VSIG1: variants seen among roughly 807,000 people sequenced by gnomAD.
VSIG1 encodes the protein V-set and immunoglobulin domain-containing protein 1.
A neutral mutation model predicts 20.1 loss-of-function variants in VSIG1; 11 were observed. That is an observed-to-expected ratio of 0.55 (90% CI 0.34 to 0.91). The LOEUF is 0.91. Ranked by LOEUF, VSIG1 falls within the 40% of genes least tolerant of loss-of-function variation. VSIG1 has a pLI of 0.02. For synonymous variants in VSIG1, 126 were observed against 116.7 expected (o/e 1.08, Z -0.52); for missense variants, 283 against 298.8 (o/e 0.95, Z 0.39).
chrX:108,049,240 G>T (rs1245117754), intron 1 of VSIG1, among the ~76,000 whole-genome samples: 1 of 112,468 alleles, frequency 8.9e-6, no homozygotes, highest in African/African-American at 3.2e-5. Context: ...TTTCTAATTA[G>T]TTACACATTT....
chrX:108,070,475 A>C (rs916099853), intron 3 of VSIG1, among the ~76,000 whole-genome samples: 81 of 112,447 alleles, frequency 7.2e-4, no homozygotes, highest in African/African-American at 2.4e-3. Context: ...CTAAGCAAAA[A>C]AAATGCCTAT....
At chrX:108,052,580 C>T (rs1200230826) in intron 1 of VSIG1, among the ~76,000 whole-genome samples, 1 of 110,995 alleles carries the variant, frequency 9.0e-6, no homozygotes, top group Non-Finnish European at 1.9e-5. Context: ...CACACTACTG[C>T]ACTCCAACCT....
the VSIG1 span, among the ~76,000 whole-genome samples, chrX:108,036,648 A>G: frequency 5.4e-5 from 6 of 111,879 alleles, no homozygotes; most frequent in African/African-American, 2.0e-4. Flanking sequence ...TCTTCCCTCT[A>G]AAACAGGAAA....
chrX:108,071,162 C>T (rs2031231725), intron 3 of VSIG1, among the ~76,000 whole-genome samples: 1 of 111,318 alleles, frequency 9.0e-6, no homozygotes, highest in South Asian at 3.8e-4. Context: ...CAGAGCTGTG[C>T]CCTTAACCAC....
chrX:108,076,752 A>C (rs769895701), intron 6 of VSIG1, among the ~76,000 whole-genome samples: 41 of 112,012 alleles, frequency 3.7e-4, no homozygotes, highest in African/African-American at 1.3e-3. Context: ...GCGATACATC[A>C]GAGCTATGAA....
At chrX:108,021,451 A>G in the VSIG1 span, among the ~76,000 whole-genome samples, 1 of 112,134 alleles carries the variant, frequency 8.9e-6, no homozygotes, top group South Asian at 3.7e-4. Context: ...TATATTATGG[A>G]TACTAGACCA....
At chrX:108,048,770 T>C (rs982387994) in intron 1 of VSIG1, among the ~76,000 whole-genome samples, 7 of 112,406 alleles carry the variant, frequency 6.2e-5, no homozygotes, top group African/African-American at 1.3e-4. Flanking sequence ...ATGAAAATTA[T>C]AAAGTCAGTT....
At chrX:108,044,494 C>T (rs2030529565), upstream of VSIG1, among the ~76,000 whole-genome samples, 1 of 111,902 alleles carries the variant, frequency 8.9e-6, no homozygotes, top group Non-Finnish European at 1.9e-5. Flanking sequence ...ACCCGACAGA[C>T]AAAAGCATGT....
upstream of VSIG1, among the ~76,000 whole-genome samples, chrX:108,041,517 T>G (rs2030479824): frequency 9.2e-6 from 1 of 108,976 alleles, no homozygotes; most frequent in Non-Finnish European, 1.9e-5. Context: ...TAGAACAAAA[T>G]GTACAGTATT....
the VSIG1 span, among the ~76,000 whole-genome samples, chrX:108,027,519 G>A: frequency 8.9e-6 from 1 of 111,769 alleles, no homozygotes; most frequent in African/African-American, 3.2e-5. Context: ...ATGAGTGATT[G>A]CTTATGATTT....
upstream of VSIG1, chrX:108,044,844 G>C (rs1485935098): frequency 4.3e-6 from 1 of 234,459 alleles, no homozygotes; most frequent in Non-Finnish European, 7.6e-6. Flanking sequence ...ATGAGACTTA[G>C]AGAATCTGTG....
upstream of VSIG1, among the ~76,000 whole-genome samples, chrX:108,042,639 G>A (rs183865649): frequency 1.3e-4 from 14 of 111,446 alleles, no homozygotes; most frequent in South Asian, 3.8e-4. Context: ...TGGAACTACC[G>A]GTATTACTTC....
the VSIG1 span, among the ~76,000 whole-genome samples, chrX:108,029,243 G>C: frequency 8.9e-6 from 1 of 111,879 alleles, no homozygotes; most frequent in South Asian, 3.8e-4. Flanking sequence ...CTCTAGTTGA[G>C]TGTCTCATTT....
At chrX:108,041,553 C>CGTGTGT (rs371173365), upstream of VSIG1, among the ~76,000 whole-genome samples, 2,012 of 98,840 alleles carry the variant, frequency 0.02, no homozygotes, top group East Asian at 0.045. Context: ...TAAAAAACCT[C>CGTGTGT]GTGTGTGTGT....
upstream of VSIG1, among the ~76,000 whole-genome samples, chrX:108,042,785 A>G (rs1473989849): frequency 9.0e-6 from 1 of 111,678 alleles, no homozygotes; most frequent in Non-Finnish European, 1.9e-5. Context: ...CCTTTGCAAA[A>G]TCTTCTCCCT....
chrX:108,058,510 G>A (rs2030957320), intron 2 of VSIG1, among the ~76,000 whole-genome samples: 1 of 111,694 alleles, frequency 9.0e-6, no homozygotes, highest in South Asian at 3.8e-4. Flanking sequence ...AATTCTGAAA[G>A]GGCTCCCCCT....
chrX:108,021,653 C>T, the VSIG1 span, among the ~76,000 whole-genome samples: 21 of 112,011 alleles, frequency 1.9e-4, no homozygotes, highest in Non-Finnish European at 2.3e-4. Flanking sequence ...AGATTTACAC[C>T]GATGTTTTCT....
chrX:108,038,607 C>T, the VSIG1 span, among the ~76,000 whole-genome samples: 1 of 112,453 alleles, frequency 8.9e-6, no homozygotes, highest in South Asian at 3.7e-4. Context: ...TTGGAACCAA[C>T]CCAAATGTCC....
the VSIG1 span, among the ~76,000 whole-genome samples, chrX:108,023,233 C>G: frequency 9.0e-6 from 1 of 111,371 alleles, no homozygotes; most frequent in African/African-American, 3.3e-5. Flanking sequence ...ATCATGTGCC[C>G]CCTCTTTAGT....
Sources: allele counts gnomAD v4.1 joint callset (sites outside exome capture counted in the v4.1 genomes callset), GRCh38; gene constraint gnomAD v4.1.1; transcripts MANE v1.5; gene names NCBI Gene and HGNC (gene_info 2026-07-23, HGNC 2026-07-21).